The following ABCC8 variants were observed in gnomAD, a reference collection of about 807,000 sequenced individuals.
ABCC8 encodes the protein ATP-binding cassette sub-family C member 8.
ABCC8 carries 137 observed loss-of-function variants against 188.0 expected under a neutral mutation model. The observed-to-expected ratio is 0.73, with a 90% confidence interval of 0.63 to 0.84. The LOEUF is 0.84. Among genes scored for constraint, ABCC8 ranks in the 40% least tolerant of loss-of-function variants. ABCC8 has a pLI of 0.00. For synonymous variants in ABCC8, 797 were observed against 846.5 expected (o/e 0.94, Z 1.01); for missense variants, 1,750 against 2,072.7 (o/e 0.84, Z 3.02).
intron 29 of ABCC8, among the ~76,000 whole-genome samples, chr11:17,400,600 T>C (rs1360095546): frequency 6.6e-6 from 1 of 152,072 alleles, no homozygotes; most frequent in Non-Finnish European, 1.5e-5. Flanking sequence ...GAAAACAACC[T>C]CCGAGCCCGC....
intron 6 of ABCC8, 52 bp from the exon 7 acceptor site, chr11:17,453,335 C>T (rs1956881308): frequency 1.2e-6 from 2 of 1,606,478 alleles, no homozygotes; most frequent in Middle Eastern, 1.6e-4. Flanking sequence ...AAAATGACCA[C>T]CGTAGAACAC....
chr11:17,415,777 C>T (rs1271681898), intron 17 of ABCC8, among the ~76,000 whole-genome samples: 1 of 152,178 alleles, frequency 6.6e-6, no homozygotes, highest in Admixed American at 6.5e-5. Flanking sequence ...CCAGGCCAGG[C>T]AGGCTGACAC....
At chr11:17,448,777 A>T in intron 7 of ABCC8, 106 bp from the exon 8 acceptor site, 2 of 1,589,936 alleles carry the variant, frequency 1.3e-6, no homozygotes, top group Non-Finnish European at 1.7e-6. Flanking sequence ...GACAGTCCCC[A>T]TGGTGCCCTA....
intron 10 of ABCC8, 76 bp downstream of exon 10, chr11:17,442,644 T>C: frequency 1.4e-6 from 2 of 1,475,700 alleles, no homozygotes; most frequent in Admixed American, 3.3e-5. Context: ...CTGCACCCCC[T>C]CTTACCCGAG....
In ABCC8 at chr11:17,430,525, T is replaced by C; in HGVS notation, c.1817+289A>G. ...GACCAGTGGGTAGAATTTAGGAGGA[T>C]TCCACATTTGGCTCAACACTGGTTT... On this transcript the variant is annotated intron_variant, in intron 12 of 38. Coordinates refer to ENST00000389817, the MANE Select transcript of ABCC8 (RefSeq NM_000352.6). The C allele has an allele frequency of 1.7e-5, 8 of 458,476 alleles. 1 individual carries two copies. The highest frequency in any genetic ancestry group is 1.7e-4 in the South Asian group (8 of 47,352). The allele number at this position is 458,476 out of a possible 1,614,324, so 28.4% of individuals were successfully genotyped here.
At position 17,426,485 on chromosome 11, in the gene ABCC8, C is replaced by T. The variant is rs1412192799; in HGVS notation, c.2222+564G>A. Reference sequence around the variant, plus strand: ...AGTAGGTGGGTATAAATAACAGATTCGTGATTGACTGAGCCTGGGGTTCTG... The same window carrying T: ...AGTAGGTGGGTATAAATAACAGATTTGTGATTGACTGAGCCTGGGGTTCTG... On this transcript the variant is annotated intron_variant, in intron 16 of 38. Transcript: ENST00000389817. Among the ~76,000 whole-genome samples, 6 of 152,320 alleles carry T rather than the reference C, an allele frequency of 3.9e-5. No individual in the cohort carries two copies. In the East Asian group the frequency reaches 9.6e-4, roughly 24 times the overall value.
In ABCC8 at chr11:17,406,760, G is replaced by C; in HGVS notation, c.3191C>G (p.Ala1064Gly). ...GCTGCAGAGCACCGTGAACACCATG[G>C]CATAGACAGTCTGGTCGAGGGTGCA... ...QECTLDQTVY[A>G]MVFTVLCSLG... The change falls in exon 26 of 39, where the codon GCC becomes GGC. Residue 1064 changes from alanine (A) to glycine (G), a missense_variant. Physicochemically the swap from Ala to Gly is moderately conservative, Grantham distance 60 (BLOSUM62 0). Coordinates refer to ENST00000389817, the MANE Select transcript of ABCC8 (RefSeq NM_000352.6). 1.9e-6 allele frequency: 3 copies of C among 1,614,218 alleles called. No homozygotes were observed. Among genetic ancestry groups the C allele is most frequent in the Non-Finnish European group, 2.5e-6 (3 of 1,180,040 alleles).
At chr11:17,456,246 C>T (rs747330448) in intron 6 of ABCC8, among the ~76,000 whole-genome samples, 5 of 152,166 alleles carry the variant, frequency 3.3e-5, no homozygotes, top group East Asian at 3.9e-4. Context: ...TGCTCAATAC[C>T]GATTTTTTAA....
chr11:17,461,832 G>A lies in ABCC8; in HGVS notation c.580-7C>T, dbSNP rs771196330. 2 of 1,613,836 alleles carry A rather than the reference G, an allele frequency of 1.2e-6. No individual in the cohort carries two copies. Among genetic ancestry groups the A allele is most frequent in the Non-Finnish European group, 1.7e-6 (2 of 1,179,998 alleles). On this transcript the variant is annotated splice_region_variant and splice_polypyrimidine_tract_variant and intron_variant, in intron 4 of 38. Coordinates refer to ENST00000389817, the MANE Select transcript of ABCC8 (RefSeq NM_000352.6). ...TCTTGAAGAAGATGTATCTCTGTGG[G>A]GCACATGGGCCATGGGGGATGGGTA...
chr11:17,410,798 C>A, intron 21 of ABCC8, 145 bp from the exon 22 acceptor site: 1 of 1,348,962 alleles, frequency 7.4e-7, no homozygotes. Context: ...GACAACTCAC[C>A]CAACCTCTCT....
At chr11:17,440,013 C>T (rs1956251893) in intron 10 of ABCC8, among the ~76,000 whole-genome samples, 1 of 152,120 alleles carries the variant, frequency 6.6e-6, no homozygotes, top group Non-Finnish European at 1.5e-5. Flanking sequence ...AAACATGTCC[C>T]AGGCTGCAGT....
At chr11:17,439,169 A>G (rs1956217184) in intron 10 of ABCC8, among the ~76,000 whole-genome samples, 1 of 150,888 alleles carries the variant, frequency 6.6e-6, no homozygotes, top group African/African-American at 2.5e-5. Context: ...TTTTTACTCA[A>G]CAGGAAATAT....
rs1009171714 is a variant in ABCC8, at chr11:17,393,196, G to C, written c.4609-68C>G. 17 of 1,600,764 alleles carry C rather than the reference G, an allele frequency of 1.1e-5. No individual in the cohort carries two copies. In the African/African-American group the frequency reaches 2.0e-4, roughly 19 times the overall value. On this transcript the variant is annotated intron_variant, in intron 38 of 38. Transcript: ENST00000389817. ...CACCCGCGGTGGGGGCCACAGCTGA[G>C]GGTGGCCCTCCTGCGGCTTGGAGGA...
At chr11:17,408,283 T>G in intron 23 of ABCC8, 109 bp downstream of exon 23, 3 of 1,091,310 alleles carry the variant, frequency 2.7e-6, no homozygotes, top group Non-Finnish European at 2.7e-6. Flanking sequence ...CATCTGCCCT[T>G]TAGGGGGCTT....
At chr11:17,425,274 C>G (rs1437072073) in intron 16 of ABCC8, among the ~76,000 whole-genome samples, 1 of 152,178 alleles carries the variant, frequency 6.6e-6, no homozygotes, top group Non-Finnish European at 1.5e-5. Context: ...ATCTGCTAGC[C>G]CACGACCCCA....
chr11:17,459,674 T>C (rs1324483544), intron 6 of ABCC8, among the ~76,000 whole-genome samples: 1 of 152,188 alleles, frequency 6.6e-6, no homozygotes, highest in Non-Finnish European at 1.5e-5. Context: ...CTGAAACTTA[T>C]TAGGGGTGAA....
In ABCC8 at chr11:17,468,486, G is replaced by T. The variant is rs1326646933; in HGVS notation, c.412+1615C>A. On this transcript the variant is annotated intron_variant, in intron 3 of 38. Coordinates refer to ENST00000389817, the MANE Select transcript of ABCC8 (RefSeq NM_000352.6). ...ACGAAGTCTGAGGGCCCTTAGACAC[G>T]CAGTCTCAGAAATGATTAGGAGATT... Among the ~76,000 whole-genome samples, 3 of 152,122 alleles carry T rather than the reference G, an allele frequency of 2.0e-5. No individual in the cohort carries two copies. The South Asian group carries it at 6.2e-4, about 32-fold the overall frequency.
In ABCC8 at chr11:17,461,765, C is replaced by T. The variant is rs1274656446; in HGVS notation, c.640G>A (p.Gly214Arg). ...VKPPEDLQDLGVRFLQPFVNL... is the reference protein window; with the variant it reads ...VKPPEDLQDLRVRFLQPFVNL... The stretch of plus-strand genomic sequence containing the variant: ...ACGAAGGGCTGCAGGAAGCGTACCC[C>T]CAGGTCTTGCAGGTCCTCGGGAGGC... Residue 214 changes from glycine to arginine, a missense_variant, in exon 5 of 39, where the codon GGG (glycine) becomes AGG (arginine). Transcript: ENST00000389817. 4 of 1,614,140 alleles carry T rather than the reference C, an allele frequency of 2.5e-6. No homozygotes were observed. The highest frequency in any genetic ancestry group is 2.5e-6 in the Non-Finnish European group (3 of 1,180,028).
intron 20 of ABCC8, 140 bp from the exon 21 acceptor site, chr11:17,412,886 A>T (rs984223712): frequency 2.5e-5 from 38 of 1,510,348 alleles, no homozygotes; most frequent in Middle Eastern, 1.7e-4. Flanking sequence ...TGCATAGAGA[A>T]GGAACTTGCA....
Sources: allele counts gnomAD v4.1 joint callset (sites outside exome capture counted in the v4.1 genomes callset), GRCh38; gene constraint gnomAD v4.1.1; transcripts MANE v1.5; gene names NCBI Gene and HGNC (gene_info 2026-07-23, HGNC 2026-07-21).